ZMAT4: variants seen among roughly 807,000 people sequenced by gnomAD.
ZMAT4 encodes the protein zinc finger matrin-type protein 4.
A neutral mutation model predicts 28.7 loss-of-function variants in ZMAT4; 17 were observed. The ratio of observed to expected loss-of-function variants is 0.59; its 90% confidence interval spans 0.41 to 0.89. The LOEUF is 0.89. ZMAT4 is among the 40% of genes least tolerant of loss of function. The pLI, the probability that ZMAT4 is intolerant of heterozygous loss-of-function variation, is 0.00. For synonymous variants in ZMAT4, 117 were observed against 109.2 expected, an observed-to-expected ratio of 1.07 and a Z score of -0.44; for missense variants, 240 against 283.8, an observed-to-expected ratio of 0.85 and a Z score of 1.11.
intron 5 of ZMAT4, among the ~76,000 whole-genome samples, chr8:40,647,038 A>T (rs1437557992): frequency 2.0e-5 from 3 of 152,084 alleles, no homozygotes; most frequent in Non-Finnish European, 4.4e-5. Context: ...AGAAATCAGT[A>T]AAAAAAAGAA....
chr8:40,706,613 A>G (rs926076739), intron 3 of ZMAT4, among the ~76,000 whole-genome samples: 1 of 152,156 alleles, frequency 6.6e-6, no homozygotes, highest in Non-Finnish European at 1.5e-5. Flanking sequence ...CTACCCCAAA[A>G]TAAATTCCTT....
chr8:40,853,830 C>G lies in ZMAT4; in HGVS notation c.-4-28150G>C, dbSNP rs562929206. On this transcript the variant is annotated intron_variant, in intron 1 of 6. Coordinates refer to ENST00000297737, the MANE Select transcript of ZMAT4 (RefSeq NM_024645.3). ...AGCAAGTAGTTTTGACCCGAGAGAA[C>G]CTGTGAAAGTGTCTGTATTTGTCTG... Among the ~76,000 whole-genome samples, 3 of 152,230 alleles carry G rather than the reference C, an allele frequency of 2.0e-5. No homozygotes were observed. In the East Asian group the frequency reaches 5.8e-4, roughly 29 times the overall value.
intron 6 of ZMAT4, among the ~76,000 whole-genome samples, chr8:40,571,688 G>C (rs762468141): frequency 8.5e-5 from 13 of 152,216 alleles, no homozygotes; most frequent in Non-Finnish European, 1.3e-4. Flanking sequence ...TTATAAAATG[G>C]GGCAAGCAAA....
intron 6 of ZMAT4, among the ~76,000 whole-genome samples, chr8:40,546,015 T>C (rs1042529157): frequency 3.3e-5 from 5 of 151,582 alleles, no homozygotes; most frequent in Non-Finnish European, 7.4e-5. Context: ...CAGGCTGTTC[T>C]GATCACAAAG....
At chr8:40,784,511 A>AAAATATGG (rs1435209600) in intron 2 of ZMAT4, among the ~76,000 whole-genome samples, 2 of 152,218 alleles carry the variant, frequency 1.3e-5, no homozygotes, top group African/African-American at 2.4e-5. Flanking sequence ...AGAAACAAGA[A>AAAATATGG]AAATATGGCC....
intron 6 of ZMAT4, among the ~76,000 whole-genome samples, chr8:40,539,998 C>A (rs528573015): frequency 1.3e-5 from 2 of 152,266 alleles, no homozygotes; most frequent in South Asian, 2.1e-4. Context: ...AGAGGCTGGA[C>A]AATGAGTTCA....
chr8:40,706,566 G>T (rs1167503637), intron 3 of ZMAT4, among the ~76,000 whole-genome samples: 1 of 152,084 alleles, frequency 6.6e-6, no homozygotes, highest in Non-Finnish European at 1.5e-5. Context: ...GGCATCTTAG[G>T]TCAGTCTTCT....
chr8:40,800,133 G>A (rs924385021), intron 2 of ZMAT4, among the ~76,000 whole-genome samples: 2 of 152,156 alleles, frequency 1.3e-5, no homozygotes, highest in African/African-American at 4.8e-5. Flanking sequence ...CCCAAGAAAA[G>A]TTATCAAGGA....
intron 3 of ZMAT4, among the ~76,000 whole-genome samples, chr8:40,699,825 T>G (rs1000772597): frequency 6.6e-6 from 1 of 152,256 alleles, no homozygotes; most frequent in African/African-American, 2.4e-5. Context: ...AGAATCTGTG[T>G]ATCTGTTCAT....
At chr8:40,678,491 G>A (rs1027177420) in intron 4 of ZMAT4, among the ~76,000 whole-genome samples, 2 of 152,192 alleles carry the variant, frequency 1.3e-5, no homozygotes, top group African/African-American at 2.4e-5. Context: ...CCACATAGCC[G>A]TGCACCTGTC....
intron 6 of ZMAT4, among the ~76,000 whole-genome samples, chr8:40,545,698 G>T (rs977611686): frequency 2.6e-5 from 4 of 152,130 alleles, no homozygotes; most frequent in Non-Finnish European, 5.9e-5. Flanking sequence ...CCCTTCTCTT[G>T]CACCTTCAGA....
intron 1 of ZMAT4, among the ~76,000 whole-genome samples, chr8:40,869,589 T>C (rs570374331): frequency 6.6e-6 from 1 of 152,334 alleles, no homozygotes; most frequent in East Asian, 1.9e-4. Flanking sequence ...GGAGATAATC[T>C]TGAAGCTCTA....
At chr8:40,798,345 T>G (rs144041825) in intron 2 of ZMAT4, among the ~76,000 whole-genome samples, 42 of 152,320 alleles carry the variant, frequency 2.8e-4, no homozygotes, top group African/African-American at 9.1e-4. Flanking sequence ...TCTTGCTGAC[T>G]GGCATCGCTC....
At chr8:40,763,712 T>A (rs1563467582) in intron 3 of ZMAT4, among the ~76,000 whole-genome samples, 1 of 152,260 alleles carries the variant, frequency 6.6e-6, no homozygotes, top group East Asian at 1.9e-4. Context: ...TAAGAAGGGT[T>A]TAGATTAGAT....
chr8:40,708,900 C>T (rs1276269913), intron 3 of ZMAT4, among the ~76,000 whole-genome samples: 1 of 151,810 alleles, frequency 6.6e-6, no homozygotes, highest in South Asian at 2.1e-4. Context: ...CCACCCACCT[C>T]GGCCTCCCAA....
chr8:40,551,112 G>T (rs984350317), intron 6 of ZMAT4, among the ~76,000 whole-genome samples: 16 of 152,138 alleles, frequency 1.1e-4, no homozygotes, highest in African/African-American at 3.6e-4. Context: ...CAGAGTGGCT[G>T]GCCTACAATC....
At chr8:40,834,251 C>A (rs192516552) in intron 1 of ZMAT4, among the ~76,000 whole-genome samples, 1 of 152,104 alleles carries the variant, frequency 6.6e-6, no homozygotes, top group Non-Finnish European at 1.5e-5. Context: ...GCCTGCAGGG[C>A]GGTTCTCTGG....
At chr8:40,771,953 A>G (rs1237665931) in intron 2 of ZMAT4, among the ~76,000 whole-genome samples, 1 of 152,238 alleles carries the variant, frequency 6.6e-6, no homozygotes, top group Non-Finnish European at 1.5e-5. Flanking sequence ...CAAACTGCCA[A>G]GTGAAAAGAA....
At chr8:40,743,785 C>G (rs1258991668) in intron 3 of ZMAT4, among the ~76,000 whole-genome samples, 1 of 151,710 alleles carries the variant, frequency 6.6e-6, no homozygotes, top group Non-Finnish European at 1.5e-5. Context: ...AAGGAGCGGC[C>G]GATTCTGGAG....
Sources: gnomAD v4.1 joint callset for allele counts (sites outside exome capture counted in the v4.1 genomes callset) on GRCh38, gnomAD v4.1.1 for gene constraint, MANE v1.5 for transcripts, NCBI Gene and HGNC (gene_info 2026-07-23, HGNC 2026-07-21) for gene names.